Variants in CNTN6 observed in about 807,000 individuals in gnomAD.
CNTN6 encodes contactin 6, also known as contactin-6.
A neutral mutation model predicts 122.8 loss-of-function variants in CNTN6; 137 were observed. That is an observed-to-expected ratio of 1.12 (90% CI 0.97 to 1.29). The LOEUF (loss-of-function observed/expected upper bound fraction) is 1.29, where lower values mean the gene tolerates loss of function less well. Among genes scored for constraint, CNTN6 ranks in the 50% most tolerant of loss-of-function variants. The probability of loss-of-function intolerance (pLI) is 0.00; values close to 1 mark genes in which losing one functional copy is unlikely to be tolerated. For synonymous variants in CNTN6, 570 were observed against 426.0 expected, an observed-to-expected ratio of 1.34 and a Z score of -4.16; for missense variants, 1,634 against 1,223.4, an observed-to-expected ratio of 1.34 and a Z score of -5.01.
At chr3:1,298,167 G>T (rs1209420065) in intron 7 of CNTN6, 176 bp downstream of exon 7, 2 of 549,200 alleles carry the variant, frequency 3.6e-6, no homozygotes, top group Non-Finnish European at 6.4e-6. Context: ...CTGAGACAAT[G>T]ACCAGGCCTG....
At chr3:1,239,001 A>G (rs11923875) in intron 4 of CNTN6, among the ~76,000 whole-genome samples, 1 of 152,182 alleles carries the variant, frequency 6.6e-6, no homozygotes, top group Non-Finnish European at 1.5e-5. Flanking sequence ...ATTGAAGGCT[A>G]CTATGAACAC....
At chr3:1,384,381 G>A (rs1232186173) in intron 19 of CNTN6, among the ~76,000 whole-genome samples, 1 of 142,834 alleles carries the variant, frequency 7.0e-6, no homozygotes. Flanking sequence ...GTGAATTGCA[G>A]TATAACTTGG....
intron 1 of CNTN6, among the ~76,000 whole-genome samples, chr3:1,145,243 G>C (rs1176157413): frequency 6.6e-6 from 1 of 152,144 alleles, no homozygotes; most frequent in Non-Finnish European, 1.5e-5. Context: ...CACTTTTTCT[G>C]ATAATATTGA....
At chr3:1,266,843 A>C (rs2094933427) in intron 4 of CNTN6, among the ~76,000 whole-genome samples, 1 of 151,830 alleles carries the variant, frequency 6.6e-6, no homozygotes, top group African/African-American at 2.4e-5. Flanking sequence ...CACCAAAACC[A>C]ACACCTTCAG....
Position 1,402,328 on chromosome 3 carries a change from G to T in CNTN6, c.2828G>T (p.Arg943Leu). 6.2e-7 allele frequency: 1 copy of T among 1,606,492 alleles called. No homozygotes were observed. The highest frequency in any genetic ancestry group is 8.5e-7 in the Non-Finnish European group (1 of 1,176,078). The change falls in exon 22 of 23, where the codon CGG (arginine) becomes CTG (leucine). Residue 943 changes from arginine to leucine, a missense_variant. Physicochemically the swap from Arg to Leu is moderately radical, Grantham distance 102 (BLOSUM62 -2). Coordinates refer to ENST00000446702, the MANE Select transcript of CNTN6 (RefSeq NM_001289080.2). ...CCTCATTTTATTCAGATTCTGTACC[G>T]GCAAAACAGACAGAGTAAAACTCAT... is the stretch of plus-strand genomic sequence containing the variant. The part of the protein sequence containing the change: ...SEVLGYKILY[R>L]QNRQSKTHIL...
chr3:1,257,028 A>T (rs749341968), intron 4 of CNTN6, among the ~76,000 whole-genome samples: 1 of 152,146 alleles, frequency 6.6e-6, no homozygotes, highest in African/African-American at 2.4e-5. Flanking sequence ...TATTACATCA[A>T]TCCCTCTTGA....
At chr3:1,348,946 A>G (rs908496006) in intron 11 of CNTN6, among the ~76,000 whole-genome samples, 2 of 152,016 alleles carry the variant, frequency 1.3e-5, no homozygotes, top group Admixed American at 6.6e-5. Flanking sequence ...AATTTATAAC[A>G]ATGAGTTTTA....
At chr3:1,387,936 T>C (rs1010154219) in intron 20 of CNTN6, among the ~76,000 whole-genome samples, 8 of 152,052 alleles carry the variant, frequency 5.3e-5, no homozygotes, top group Admixed American at 2.6e-4. Context: ...CGCTGATTGC[T>C]AGCACAGCAG....
Position 1,373,376 on chromosome 3 carries a change from A to G in CNTN6, c.1787-228A>G, listed in dbSNP as rs146953557. Among the ~76,000 whole-genome samples the G allele has an allele frequency of 7.6e-4, 116 of 152,118 alleles. 2 individuals carry two copies. The highest frequency in any genetic ancestry group is 2.5e-3 in the African/African-American group (103 of 41,448). Reference sequence around the variant, plus strand: ...ATCTTTGAGTATAGGTTGATATGCAATCATCCTATGCCTGATATTTTCTAA... The same window carrying G: ...ATCTTTGAGTATAGGTTGATATGCAGTCATCCTATGCCTGATATTTTCTAA... On this transcript the variant is annotated intron_variant, in intron 14 of 22. Coordinates refer to ENST00000446702, the MANE Select transcript of CNTN6 (RefSeq NM_001289080.2).
chr3:1,235,941 G>A (rs934309912), intron 4 of CNTN6, among the ~76,000 whole-genome samples: 7 of 151,972 alleles, frequency 4.6e-5, no homozygotes, highest in East Asian at 1.9e-4. Flanking sequence ...CTGTGACTGC[G>A]TTTTCCCTCA....
chr3:1,391,756 C>T (rs1694183742), intron 20 of CNTN6, among the ~76,000 whole-genome samples: 1 of 148,896 alleles, frequency 6.7e-6, no homozygotes, highest in South Asian at 2.2e-4. Context: ...TCTTATACAC[C>T]AACAACAGAC....
chr3:1,374,834 T>C (rs1401663222), intron 16 of CNTN6, among the ~76,000 whole-genome samples: 2 of 152,066 alleles, frequency 1.3e-5, no homozygotes, highest in African/African-American at 4.8e-5. Flanking sequence ...AGTCAATAAA[T>C]CAATCCTTAA....
chr3:1,109,876 T>C (rs2091400146), intron 1 of CNTN6, among the ~76,000 whole-genome samples: 1 of 152,018 alleles, frequency 6.6e-6, no homozygotes, highest in African/African-American at 2.4e-5. Flanking sequence ...CCATACTCTA[T>C]CCTTTTATTA....
rs868518636 is a variant in CNTN6, at chr3:1,213,093, G to T, written c.56-7594G>T. ...GTGCATCTCACAAAAGGCATCACAG[G>T]GATTTAATTTGGAAACTGCTGTATG... On this transcript the variant is annotated intron_variant, in intron 2 of 22. Coordinates refer to ENST00000446702, the MANE Select transcript of CNTN6 (RefSeq NM_001289080.2). Among the ~76,000 whole-genome samples the T allele has an allele frequency of 4.6e-5, 7 of 152,130 alleles. No homozygotes were observed. In the Middle Eastern group the frequency reaches 0.014, roughly 296 times the overall value.
At position 1,373,676 on chromosome 3, in the gene CNTN6, C is replaced by A. The variant is rs773716396; in HGVS notation, c.1859C>A (p.Ala620Glu). ...ACTACTTCTCAACTAAGTTGGAGAG[C>A]AGGCCCAGATAATAACAGTCCCATT... ...SSTTSQLSWR[A>E]GPDNNSPIQI... Residue 620 changes from alanine to glutamate, a missense_variant, in exon 15 of 23, where the codon GCA becomes GAA. Coordinates refer to ENST00000446702, the MANE Select transcript of CNTN6 (RefSeq NM_001289080.2). 8.1e-6 allele frequency: 13 copies of A among 1,612,942 alleles called. No homozygotes were observed. The highest frequency in any genetic ancestry group is 3.3e-5 in the Admixed American group (2 of 59,896).
chr3:1,253,044 C>A (rs886659744), intron 4 of CNTN6, among the ~76,000 whole-genome samples: 9 of 152,162 alleles, frequency 5.9e-5, no homozygotes, highest in African/African-American at 2.2e-4. Flanking sequence ...AGGTAGAGTC[C>A]TATGTGCGTG....
chr3:1,325,864 T>C lies in CNTN6; in HGVS notation c.996T>C (p.Tyr332=), dbSNP rs879261947. The change falls in exon 9 of 23, where the codon TAT becomes TAC. Residue 332 remains tyrosine (Y), a synonymous_variant. Transcript: ENST00000446702. ...QKIQNTHLSI[Y]DNLLWECKAS... ...TCCAAAATACACACCTCTCTATCTA[T>C]GACAACTTGCTCTGGGAATGTAAAG... 3 of 1,612,018 alleles carry C rather than the reference T, an allele frequency of 1.9e-6. No individual in the cohort carries two copies. The highest frequency in any genetic ancestry group is 2.2e-5 in the South Asian group (2 of 91,016).
At position 1,403,466 on chromosome 3, in the gene CNTN6, T is replaced by C; in HGVS notation, c.*48T>C. On this transcript the variant is annotated 3_prime_UTR_variant, in exon 23 of 23. Transcript: ENST00000446702. ...AGAGTTTTTTGAAAGCAAATCATTC[T>C]GTATATATGCTCTCCAGCCTCTGAC... is the stretch of plus-strand genomic sequence containing the variant. 2.5e-6 allele frequency: 3 copies of C among 1,210,110 alleles called. No homozygotes were observed. Among genetic ancestry groups the C allele is most frequent in the Non-Finnish European group, 2.4e-6 (2 of 817,940 alleles). The allele number at this position is 1,210,110 out of a possible 1,614,324, so 75.0% of individuals were successfully genotyped here.
intron 1 of CNTN6, among the ~76,000 whole-genome samples, chr3:1,104,555 A>T (rs1486145582): frequency 6.6e-6 from 1 of 152,170 alleles, no homozygotes. Context: ...ATTATTGAAT[A>T]ACCTTGGTAA....
Sources: allele counts gnomAD v4.1 joint callset (sites outside exome capture counted in the v4.1 genomes callset), GRCh38; gene constraint gnomAD v4.1.1; transcripts MANE v1.5; gene names NCBI Gene and HGNC (gene_info 2026-07-23, HGNC 2026-07-21).